The following DYNC2H1 variants were observed in gnomAD, a reference collection of about 807,000 sequenced individuals.
The protein encoded by DYNC2H1 is cytoplasmic dynein 2 heavy chain 1.
A neutral mutation model predicts 570.0 loss-of-function variants in DYNC2H1; 410 were observed. That is an observed-to-expected ratio of 0.72 (90% CI 0.66 to 0.78). The LOEUF (loss-of-function observed/expected upper bound fraction) is 0.78. DYNC2H1 is among the 30% of genes least tolerant of loss of function. The probability of loss-of-function intolerance (pLI) is 0.00; values close to 1 mark genes in which losing one functional copy is unlikely to be tolerated. For synonymous variants in DYNC2H1, 1,688 were observed against 1,677.6 expected, an observed-to-expected ratio of 1.01 and a Z score of -0.15; for missense variants, 4,865 against 5,046.4, an observed-to-expected ratio of 0.96 and a Z score of 1.09.
rs771169726 is a variant in DYNC2H1 at position 103,204,999 on chromosome 11, C to T, written c.8454+35C>T. On this transcript the variant is annotated intron_variant, in intron 52 of 88. Transcript: ENST00000375735. This position sits in a 1 kb window ranked among gnomAD's most constrained non-coding sequence, Gnocchi z 4.1. ...ACAAATATTAAAAAATTTAAAAGCA[C>T]ATTTTATTTTTGAAGTTATTGATTT... 2.6e-6 allele frequency: 4 copies of T among 1,526,834 alleles called. No individual in the cohort carries two copies. Among genetic ancestry groups the T allele is most frequent in the South Asian group, 2.5e-5 (2 of 79,340 alleles). 94.6% of individuals were successfully genotyped at this position (1,526,834 alleles called of 1,614,324 possible).
chr11:103,355,987 A>G (rs1344659386), intron 82 of DYNC2H1, among the ~76,000 whole-genome samples: 1 of 152,146 alleles, frequency 6.6e-6, no homozygotes, highest in Non-Finnish European at 1.5e-5. Context: ...TAGGATTGCA[A>G]GTGTGAACCA....
intron 85 of DYNC2H1, among the ~76,000 whole-genome samples, chr11:103,450,465 A>T (rs1944561328): frequency 6.6e-6 from 1 of 152,254 alleles, no homozygotes; most frequent in Admixed American, 6.5e-5. Context: ...TAAATCTAAC[A>T]GAATTCAAAC....
At chr11:103,179,877 G>A (rs1861780561) in intron 39 of DYNC2H1, among the ~76,000 whole-genome samples, 1 of 151,408 alleles carries the variant, frequency 6.6e-6, no homozygotes, top group Non-Finnish European at 1.5e-5. Context: ...TAATATTTTG[G>A]CATAAGTAAG....
intron 86 of DYNC2H1, among the ~76,000 whole-genome samples, chr11:103,455,504 T>G (rs1944757036): frequency 6.6e-6 from 1 of 152,158 alleles, no homozygotes; most frequent in African/African-American, 2.4e-5. Context: ...TTATTCAAAT[T>G]TAAAAAGATA....
intron 70 of DYNC2H1, among the ~76,000 whole-genome samples, chr11:103,271,086 T>C (rs1372911895): frequency 6.6e-6 from 1 of 152,218 alleles, no homozygotes; most frequent in Non-Finnish European, 1.5e-5. Flanking sequence ...TATTATGTTT[T>C]AAAGTATAAT....
chr11:103,418,476 C>G (rs1193915989), intron 84 of DYNC2H1, among the ~76,000 whole-genome samples: 12 of 152,108 alleles, frequency 7.9e-5, no homozygotes, highest in Admixed American at 3.9e-4. Context: ...TGAAGAAGAC[C>G]TAAATATATG....
intron 82 of DYNC2H1, among the ~76,000 whole-genome samples, chr11:103,327,098 A>C (rs562843560): frequency 6.6e-6 from 1 of 152,210 alleles, no homozygotes; most frequent in African/African-American, 2.4e-5. Context: ...AGCCCCGAGC[A>C]TTATGTTAAG....
Position 103,179,343 on chromosome 11 carries a change from T to C in DYNC2H1, c.6347+110T>C, listed in dbSNP as rs1267106967. On this transcript the variant is annotated intron_variant, in intron 39 of 88. Transcript: ENST00000375735. ...GAATAATGAATACATATTTTTCCCATTTATGATTAACTTCTTTTTTGTTAG... is the reference window on the plus strand; with the variant it reads ...GAATAATGAATACATATTTTTCCCACTTATGATTAACTTCTTTTTTGTTAG... 17 of 961,444 alleles carry C rather than the reference T, an allele frequency of 1.8e-5. No individual in the cohort carries two copies. The Admixed American group carries it at 5.2e-4, about 29-fold the overall frequency. 59.6% of individuals were successfully genotyped at this position (961,444 alleles called of 1,614,324 possible). A position where few individuals can be genotyped will look rare whatever the true frequency, so the allele number is the denominator to read the frequency against.
intron 40 of DYNC2H1, among the ~76,000 whole-genome samples, chr11:103,182,744 A>G (rs1185252140): frequency 2.6e-5 from 4 of 151,994 alleles, no homozygotes; most frequent in Non-Finnish European, 5.9e-5. Context: ...TACAAAATAG[A>G]GGATATAAAT....
chr11:103,266,822 G>A (rs1278343953), intron 70 of DYNC2H1, among the ~76,000 whole-genome samples: 1 of 152,166 alleles, frequency 6.6e-6, no homozygotes, highest in Non-Finnish European at 1.5e-5. Flanking sequence ...GCCAGATTGG[G>A]GCTTCCGGAG....
intron 8 of DYNC2H1, 26 bp downstream of exon 8, chr11:103,120,828 T>C (rs1477672958): frequency 9.5e-6 from 13 of 1,364,318 alleles, no homozygotes; most frequent in African/African-American, 1.5e-5. Context: ...ATTTCACTTT[T>C]AATATTTCTC....
At chr11:103,384,311 A>G (rs912243255) in intron 83 of DYNC2H1, among the ~76,000 whole-genome samples, 1 of 152,020 alleles carries the variant, frequency 6.6e-6, no homozygotes, top group African/African-American at 2.4e-5. Flanking sequence ...TTTTTCTGAT[A>G]TTAATATGTC....
chr11:103,328,309 G>C (rs541668538), intron 82 of DYNC2H1, among the ~76,000 whole-genome samples: 3 of 152,024 alleles, frequency 2.0e-5, no homozygotes, highest in Admixed American at 6.6e-5. Context: ...GGGTTTCACA[G>C]TGCTTCAATC....
chr11:103,242,191 T>C (rs1365539413), intron 63 of DYNC2H1, among the ~76,000 whole-genome samples: 3 of 152,130 alleles, frequency 2.0e-5, no homozygotes, highest in Admixed American at 2.0e-4. Context: ...ATACATACTA[T>C]GATATACATA....
chr11:103,241,356 T>C lies in DYNC2H1; in HGVS notation c.9820-2337T>C, dbSNP rs779797973. On this transcript the variant is annotated intron_variant, in intron 63 of 88. Coordinates refer to ENST00000375735, the MANE Select transcript of DYNC2H1 (RefSeq NM_001377.3). The surrounding 1 kb of genome is among the most constrained non-coding windows in gnomAD (Gnocchi z 5.1). ...AGTTGTAGAATTTAACTATATTTAA[T>C]CATGGAATACAGAGATAAAATGTAC... is the stretch of plus-strand genomic sequence containing the variant. Among the ~76,000 whole-genome samples, 2 of 152,172 alleles carry C rather than the reference T, an allele frequency of 1.3e-5. No individual in the cohort carries two copies. Among genetic ancestry groups the C allele is most frequent in the Non-Finnish European group, 2.9e-5 (2 of 68,034 alleles).
At chr11:103,182,894 T>C (rs946765452) in intron 40 of DYNC2H1, among the ~76,000 whole-genome samples, 1 of 151,816 alleles carries the variant, frequency 6.6e-6, no homozygotes, top group Non-Finnish European at 1.5e-5. Flanking sequence ...TCTGACTTTG[T>C]AAGAATGAAA....
At position 103,479,137 on chromosome 11, in the gene DYNC2H1, C is replaced by A; in HGVS notation, c.12808C>A (p.Pro4270Thr). ...PYSPDECISLPVYTSAERDRV... is the reference protein window; with the variant it reads ...PYSPDECISLTVYTSAERDRV... ...TTCTCCGGATGAGTGCATCTCTTTG[C>A]CTGTTTACACAAGTGCTGAAAGGGA... Residue 4270 changes from proline (P) to threonine (T), a missense_variant, in exon 89 of 89, where the codon CCT becomes ACT. By Grantham distance (38) the Pro-to-Thr change is conservative. Around this residue, in one of 5 missense-constraint regions of DYNC2H1, gnomAD observed 2,401 missense variants for 2,454.6 expected, o/e 0.98. Transcript: ENST00000375735. 6.2e-7 allele frequency: 1 copy of A among 1,613,704 alleles called. No homozygotes were observed. The highest frequency in any genetic ancestry group is 8.5e-7 in the Non-Finnish European group (1 of 1,179,762).
chr11:103,255,176 G>A (rs1865003455), intron 66 of DYNC2H1, among the ~76,000 whole-genome samples: 1 of 152,054 alleles, frequency 6.6e-6, no homozygotes, highest in Non-Finnish European at 1.5e-5. Flanking sequence ...GTTAAGTAAT[G>A]CACTTTCTTA....
chr11:103,221,911 C>T, intron 57 of DYNC2H1, 119 bp from the exon 58 acceptor site: 1 of 992,218 alleles, frequency 1.0e-6, no homozygotes, highest in South Asian at 1.7e-5. Flanking sequence ...GTTTTAATAC[C>T]ATATTTTTGT....
Sources: allele counts gnomAD v4.1 joint callset (sites outside exome capture counted in the v4.1 genomes callset), GRCh38; gene constraint gnomAD v4.1.1; regional missense constraint gnomAD v4.1.1; non-coding constraint Gnocchi (gnomAD v3.1); transcripts MANE v1.5; gene names NCBI Gene and HGNC (gene_info 2026-07-23, HGNC 2026-07-21).